The following KCNK10 variants were observed in gnomAD, a reference collection of about 807,000 sequenced individuals.
KCNK10 encodes potassium two pore domain channel subfamily K member 10.
Under a neutral mutation model 47.7 loss-of-function variants are expected in KCNK10, and 25 were observed. The ratio of observed to expected loss-of-function variants is 0.52; its 90% CI spans 0.38 to 0.73. The LOEUF (loss-of-function observed/expected upper bound fraction) is 0.73. KCNK10 is among the 30% of genes least tolerant of loss of function. KCNK10 has a pLI of 0.00. For synonymous variants in KCNK10, 303 were observed against 285.6 expected (o/e 1.06, Z -0.61); for missense variants, 563 against 714.5 (o/e 0.79, Z 2.42).
Position 88,192,266 on chromosome 14 carries a change from C to T in KCNK10, c.826G>A (p.Val276Met). 1.2e-6 allele frequency: 2 copies of T among 1,613,950 alleles called. No individual in the cohort carries two copies. The highest frequency in any genetic ancestry group is 1.7e-6 in the Non-Finnish European group (2 of 1,179,922). Reference sequence around the variant, plus strand: ...AAGCCCACCGTGGTCAGAGTGACCACCACAAAGTAAATGGACTCCAAGGCC... The same window carrying T: ...AAGCCCACCGTGGTCAGAGTGACCATCACAAAGTAAATGGACTCCAAGGCC... ...WTALESIYFV[V>M]VTLTTVGFGD... Residue 276 changes from valine (V) to methionine (M), a missense_variant, in exon 5 of 7, where the codon GTG (valine) becomes ATG (methionine). By Grantham distance (21) the Val-to-Met change is conservative. Transcript: ENST00000319231.
Position 88,192,373 on chromosome 14 carries a change from G to C in KCNK10, c.719C>G (p.Ser240Ter). 6.2e-7 allele frequency: 1 copy of C among 1,614,142 alleles called. No homozygotes were observed. Among genetic ancestry groups the C allele is most frequent in the Non-Finnish European group, 8.5e-7 (1 of 1,180,022 alleles). The change falls in exon 5 of 7, where the codon TCA becomes TGA. Residue 240 changes from serine (S) to a stop codon, truncating the protein, a stop_gained. Coordinates refer to ENST00000319231, the MANE Select transcript of KCNK10 (RefSeq NM_138317.3). LOFTEE classifies it high-confidence loss of function. ...GCCGGCCAAGATGAACAGGATGGTT[G>C]AGATGACCCGGATCTTGGTCTGACT... is the stretch of plus-strand genomic sequence containing the variant. ...QVSQTKIRVI[S>*]TILFILAGCI...
intron 4 of KCNK10, among the ~76,000 whole-genome samples, chr14:88,220,366 G>A (rs1334478081): frequency 3.3e-5 from 4 of 121,850 alleles, no homozygotes; most frequent in East Asian, 2.5e-4. Flanking sequence ...GCAGTGAGCC[G>A]AGATCGTGCC....
intron 4 of KCNK10, among the ~76,000 whole-genome samples, chr14:88,205,218 T>C (rs936615251): frequency 5.9e-5 from 9 of 152,264 alleles, no homozygotes; most frequent in South Asian, 4.1e-4. Flanking sequence ...CATGGCTTCA[T>C]AGCTCATTTC....
intron 1 of KCNK10, among the ~76,000 whole-genome samples, chr14:88,299,600 G>C (rs1399253792): frequency 6.6e-6 from 1 of 152,078 alleles, no homozygotes; most frequent in Non-Finnish European, 1.5e-5. Flanking sequence ...GACAGCATTA[G>C]GTAACACACA....
chr14:88,208,333 C>T (rs374825856), intron 4 of KCNK10, among the ~76,000 whole-genome samples: 15 of 152,288 alleles, frequency 9.8e-5, no homozygotes, highest in African/African-American at 3.4e-4. Flanking sequence ...TAGTGGCTCA[C>T]GGAAGCAGGT....
chr14:88,275,251 G>T (rs1250788884), intron 1 of KCNK10, among the ~76,000 whole-genome samples: 2 of 151,986 alleles, frequency 1.3e-5, no homozygotes, highest in Non-Finnish European at 2.9e-5. Flanking sequence ...CAGCCCTCTG[G>T]CTCCTCCACT....
At chr14:88,231,891 C>T (rs888067460) in intron 3 of KCNK10, among the ~76,000 whole-genome samples, 2 of 152,232 alleles carry the variant, frequency 1.3e-5, no homozygotes, top group African/African-American at 4.8e-5. Flanking sequence ...ATCTCTGATA[C>T]TAAGGAGTAG....
chr14:88,263,185 A>G lies in KCNK10; in HGVS notation c.402+17T>C. The G allele has an allele frequency of 6.2e-7, 1 of 1,601,746 alleles. No homozygotes were observed. The highest frequency in any genetic ancestry group is 8.5e-7 in the Non-Finnish European group (1 of 1,171,408). ...CACCCCACCAGCTGGCCTAAGATGG[A>G]CTCACTCCCTGCTCACCTGGATCAA... On this transcript the variant is annotated intron_variant, in intron 2 of 6. Transcript: ENST00000319231.
intron 3 of KCNK10, among the ~76,000 whole-genome samples, chr14:88,238,404 C>G (rs1359486767): frequency 6.6e-6 from 1 of 152,220 alleles, no homozygotes; most frequent in Non-Finnish European, 1.5e-5. Flanking sequence ...GGAACAGTGG[C>G]TCATGCCTGT....
chr14:88,196,288 G>A (rs758264921), intron 4 of KCNK10, among the ~76,000 whole-genome samples: 11 of 152,272 alleles, frequency 7.2e-5, no homozygotes, highest in African/African-American at 1.2e-4. Flanking sequence ...AGTAAGCTTC[G>A]TAAACAGGAG....
At chr14:88,235,392 G>GA in intron 3 of KCNK10, 1 of 353,042 alleles carries the variant, frequency 2.8e-6, no homozygotes, top group Non-Finnish European at 5.6e-6. Context: ...AGGCTCACCA[G>GA]AAAAATGTTT....
intron 1 of KCNK10, among the ~76,000 whole-genome samples, chr14:88,296,860 T>C (rs549290344): frequency 5.3e-5 from 8 of 152,338 alleles, no homozygotes; most frequent in African/African-American, 1.9e-4. Context: ...ATGGTACCAA[T>C]ATAGTATTGT....
At chr14:88,212,129 TATC>T (rs1308983721) in intron 4 of KCNK10, among the ~76,000 whole-genome samples, 1 of 66,524 alleles carries the variant, frequency 1.5e-5, no homozygotes, top group Admixed American at 1.7e-4. Flanking sequence ...TATATATATA[TATC>T]GAGAGAGAGA....
chr14:88,192,244 C>A lies in KCNK10; in HGVS notation c.848G>T (p.Gly283Val). ...YFVVVTLTTVGFGDFVAGGNA... is the reference protein window; with the variant it reads ...YFVVVTLTTVVFGDFVAGGNA... ...CTTACCTGCCACAAAATCACCAAAG[C>A]CCACCGTGGTCAGAGTGACCACCAC... Residue 283 changes from glycine to valine, a missense_variant, in exon 5 of 7, where the codon GGC becomes GTC. Coordinates refer to ENST00000319231, the MANE Select transcript of KCNK10 (RefSeq NM_138317.3). The A allele has an allele frequency of 6.2e-7, 1 of 1,613,196 alleles. No homozygotes were observed. The highest frequency in any genetic ancestry group is 8.5e-7 in the Non-Finnish European group (1 of 1,179,588).
upstream of KCNK10, among the ~76,000 whole-genome samples, chr14:88,326,190 C>CCCCCCG (rs79450402): frequency 6.7e-5 from 9 of 134,130 alleles, no homozygotes; most frequent in African/African-American, 2.3e-4. Context: ...CGCCCCCCCC[C>CCCCCCG]AAAAAAAAAT....
chr14:88,291,339 C>A (rs576997296), intron 1 of KCNK10, among the ~76,000 whole-genome samples: 71 of 152,266 alleles, frequency 4.7e-4, no homozygotes, highest in African/African-American at 1.7e-3. Flanking sequence ...GTTAAGTGAG[C>A]CCTTTCCTGT....
At chr14:88,200,610 T>G (rs1424098173) in intron 4 of KCNK10, among the ~76,000 whole-genome samples, 20 of 152,244 alleles carry the variant, frequency 1.3e-4, no homozygotes. Context: ...TGGGAAGGCC[T>G]GCACTAAGGG....
chr14:88,207,328 G>A (rs7145046), intron 4 of KCNK10, among the ~76,000 whole-genome samples: 37,237 of 151,754 alleles, frequency 0.25, 5,190 homozygotes, highest in Non-Finnish European at 0.31. Flanking sequence ...GCCCGCCATC[G>A]CGCCCGGCTA....
chr14:88,304,185 T>C (rs1888162525), intron 1 of KCNK10, among the ~76,000 whole-genome samples: 2 of 152,014 alleles, frequency 1.3e-5, no homozygotes, highest in Admixed American at 6.6e-5. Context: ...TGTGGTGGCA[T>C]GTTCCTGTAG....
Sources: allele counts gnomAD v4.1 joint callset (sites outside exome capture counted in the v4.1 genomes callset), GRCh38; gene constraint gnomAD v4.1.1; transcripts MANE v1.5; gene names NCBI Gene and HGNC (gene_info 2026-07-23, HGNC 2026-07-21).